The following FIP1L1 variants were observed in gnomAD, a reference collection of about 807,000 sequenced individuals.
FIP1L1 encodes the protein factor interacting with PAPOLA and CPSF1, also known as pre-mRNA 3'-end-processing factor FIP1.
Under a neutral mutation model 84.6 loss-of-function variants are expected in FIP1L1, and 21 were observed. That is an observed-to-expected ratio of 0.25 (90% CI 0.18 to 0.36). The LOEUF (loss-of-function observed/expected upper bound fraction) is 0.36, where lower values mean the gene tolerates loss of function less well. FIP1L1 is among the 10% of genes least tolerant of loss of function. FIP1L1 has a pLI of 1.00. For missense variants in FIP1L1, 526 were observed against 751.1 expected, an observed-to-expected ratio of 0.70 and a Z score of 3.50; for synonymous variants, 263 against 242.3, an observed-to-expected ratio of 1.09 and a Z score of -0.80.
intron 9 of FIP1L1, among the ~76,000 whole-genome samples, chr4:53,398,823 T>C (rs1195631572): frequency 3.9e-5 from 6 of 152,104 alleles, no homozygotes; most frequent in Non-Finnish European, 8.8e-5. Flanking sequence ...GGAGAAATTA[T>C]GGAGTAAGTA....
chr4:53,381,560 T>A (rs970608355), intron 3 of FIP1L1, among the ~76,000 whole-genome samples: 1 of 152,188 alleles, frequency 6.6e-6, no homozygotes, highest in African/African-American at 2.4e-5. Flanking sequence ...ATAACAGTTA[T>A]GTTTTGACTT....
chr4:53,409,910 A>C (rs1347348622), intron 10 of FIP1L1, among the ~76,000 whole-genome samples: 2 of 152,194 alleles, frequency 1.3e-5, no homozygotes, highest in Non-Finnish European at 2.9e-5. Flanking sequence ...TTCTTTGACT[A>C]GGAAAGGGAA....
At chr4:53,419,387 A>C (rs1466637013) in intron 11 of FIP1L1, among the ~76,000 whole-genome samples, 2 of 152,188 alleles carry the variant, frequency 1.3e-5, no homozygotes, top group African/African-American at 4.8e-5. Flanking sequence ...GCCACTTTAC[A>C]ATGCAAAAGA....
intron 1 of FIP1L1, 116 bp downstream of exon 1, chr4:53,378,039 C>G: frequency 1.0e-6 from 1 of 956,982 alleles, no homozygotes; most frequent in Non-Finnish European, 1.5e-6. Flanking sequence ...GTTGGGAGTC[C>G]TGTCCGGCCT....
At chr4:53,444,396 G>C (rs761143001) in intron 15 of FIP1L1, among the ~76,000 whole-genome samples, 21 of 152,150 alleles carry the variant, frequency 1.4e-4, no homozygotes, top group Admixed American at 7.2e-4. Context: ...TTCGTTGTTT[G>C]TAACGTTTCT....
intron 5 of FIP1L1, among the ~76,000 whole-genome samples, chr4:53,384,833 A>G (rs1441835935): frequency 1.3e-5 from 2 of 152,378 alleles, no homozygotes; most frequent in East Asian, 3.9e-4. Flanking sequence ...TAGCTTATGC[A>G]TTGGAAACAT....
intron 8 of FIP1L1, 81 bp from the exon 9 acceptor site, chr4:53,391,349 G>A (rs932981534): frequency 2.0e-5 from 26 of 1,277,828 alleles, no homozygotes; most frequent in Non-Finnish European, 2.4e-5. Flanking sequence ...TCACAGACTA[G>A]CCACAGCTAG....
chr4:53,384,373 T>G (rs1451547651), intron 5 of FIP1L1, among the ~76,000 whole-genome samples: 1 of 151,900 alleles, frequency 6.6e-6, no homozygotes, highest in Non-Finnish European at 1.5e-5. Context: ...CGAGCCACTG[T>G]ACTCCAGCCT....
intron 16 of FIP1L1, among the ~76,000 whole-genome samples, chr4:53,455,170 C>T (rs1317360872): frequency 6.6e-6 from 1 of 152,170 alleles, no homozygotes; most frequent in Non-Finnish European, 1.5e-5. Context: ...GTTTGTTCTT[C>T]TATCCAGACA....
rs543470633 is a variant in FIP1L1, at chr4:53,435,463, C to T, written c.1175-7190C>T. Among the ~76,000 whole-genome samples, 4 of 152,104 alleles carry T rather than the reference C, an allele frequency of 2.6e-5. No individual in the cohort carries two copies. The South Asian group carries it at 6.2e-4, about 24-fold the overall frequency. ...TAGAGATCATTTCTTTACAAGTTCT[C>T]TATTAAAAAACATAGGTATTTCTAT... On this transcript the variant is annotated intron_variant, in intron 13 of 17. Transcript: ENST00000337488.
intron 16 of FIP1L1, among the ~76,000 whole-genome samples, chr4:53,455,551 G>A (rs778738277): frequency 2.0e-5 from 3 of 151,986 alleles, no homozygotes; most frequent in Non-Finnish European, 2.9e-5. Flanking sequence ...ACAGTGGATC[G>A]GTCAAGAACA....
chr4:53,443,624 C>A (rs1342302814), intron 14 of FIP1L1, among the ~76,000 whole-genome samples: 1 of 152,084 alleles, frequency 6.6e-6, no homozygotes, highest in Non-Finnish European at 1.5e-5. Flanking sequence ...TATTGAGTGT[C>A]TGTTAGACAC....
chr4:53,379,390 G>GAC, intron 3 of FIP1L1, 126 bp downstream of exon 3: 1 of 813,244 alleles, frequency 1.2e-6, no homozygotes, highest in Non-Finnish European at 2.0e-6. Flanking sequence ...CATTTTGGAG[G>GAC]ACATTGAATC....
intron 17 of FIP1L1, among the ~76,000 whole-genome samples, 197 bp downstream of exon 17, chr4:53,458,987 C>A (rs1320099263): frequency 1.3e-5 from 2 of 152,078 alleles, no homozygotes; most frequent in African/African-American, 2.4e-5. Flanking sequence ...AAAATCAACC[C>A]TATACAGTAT....
rs569489219 is a variant in FIP1L1 at position 53,409,065 on chromosome 4, G to A, written c.816-5550G>A. On this transcript the variant is annotated intron_variant, in intron 10 of 17. Transcript: ENST00000337488. ...AACTGCGTTCCTTTGGAGGAGGAGAGGCACTCTGCTTTTTAGAGTTTCGAG... is the reference window on the plus strand; with the variant it reads ...AACTGCGTTCCTTTGGAGGAGGAGAAGCACTCTGCTTTTTAGAGTTTCGAG... Among the ~76,000 whole-genome samples the A allele has an allele frequency of 9.8e-5, 15 of 152,292 alleles. No homozygotes were observed. The South Asian group carries it at 3.1e-3, about 32-fold the overall frequency.
chr4:53,423,121 A>G (rs551724736), intron 11 of FIP1L1, among the ~76,000 whole-genome samples: 1 of 152,330 alleles, frequency 6.6e-6, no homozygotes, highest in Admixed American at 6.5e-5. Flanking sequence ...GGATATCAGA[A>G]TCATCAAAAT....
At chr4:53,391,598 C>T in intron 9 of FIP1L1, 100 bp downstream of exon 9, 1 of 809,710 alleles carries the variant, frequency 1.2e-6, no homozygotes, top group Non-Finnish European at 2.0e-6. Context: ...GAAATAGCTA[C>T]CTTTTTTCCA....
chr4:53,439,640 C>T (rs1771019715), intron 13 of FIP1L1, among the ~76,000 whole-genome samples: 1 of 151,842 alleles, frequency 6.6e-6, no homozygotes, highest in Admixed American at 6.6e-5. Flanking sequence ...GAAACCGTTC[C>T]AACTGTTTTA....
intron 13 of FIP1L1, among the ~76,000 whole-genome samples, chr4:53,441,891 C>T (rs1473356579): frequency 6.6e-6 from 1 of 151,942 alleles, no homozygotes; most frequent in African/African-American, 2.4e-5. Context: ...GAATTGGTAT[C>T]ATAAGGAATT....
Sources: allele counts gnomAD v4.1 joint callset (sites outside exome capture counted in the v4.1 genomes callset), GRCh38; gene constraint gnomAD v4.1.1; transcripts MANE v1.5; gene names NCBI Gene and HGNC (gene_info 2026-07-23, HGNC 2026-07-21).